CDH8: variants seen among roughly 807,000 people sequenced by gnomAD.
The protein encoded by CDH8 is cadherin-8.
A neutral mutation model predicts 68.1 loss-of-function variants in CDH8; 17 were observed. The observed-to-expected ratio is 0.25, with a 90% CI of 0.17 to 0.37. CDH8 has a LOEUF of 0.37. Among genes scored for constraint, CDH8 ranks in the 10% least tolerant of loss-of-function variants. The pLI is 1.00. For synonymous variants in CDH8, 372 were observed against 365.1 expected, an observed-to-expected ratio of 1.02 and a Z score of -0.21; for missense variants, 763 against 999.3, an observed-to-expected ratio of 0.76 and a Z score of 3.19.
At chr16:61,729,268 A>T (rs1345403298) in intron 8 of CDH8, among the ~76,000 whole-genome samples, 3 of 151,104 alleles carry the variant, frequency 2.0e-5, no homozygotes, top group Non-Finnish European at 4.5e-5. Context: ...GTCCAAAAAA[A>T]TACATATACA....
At chr16:61,903,264 G>A (rs1964008407) in intron 2 of CDH8, among the ~76,000 whole-genome samples, 1 of 152,136 alleles carries the variant, frequency 6.6e-6, no homozygotes, top group Admixed American at 6.5e-5. Flanking sequence ...GCTCCCTTCT[G>A]TTAAAATTAA....
At chr16:61,679,578 A>T (rs1346925419) in intron 10 of CDH8, among the ~76,000 whole-genome samples, 1 of 152,058 alleles carries the variant, frequency 6.6e-6, no homozygotes, top group East Asian at 1.9e-4. Context: ...CAAAATAACT[A>T]AGAGAGAGGA....
intron 2 of CDH8, among the ~76,000 whole-genome samples, chr16:62,005,252 G>A (rs751320543): frequency 2.6e-5 from 4 of 152,162 alleles, no homozygotes; most frequent in Non-Finnish European, 5.9e-5. Flanking sequence ...CCTATAGGAA[G>A]ACAGCTGCAA....
chr16:61,818,390 T>G (rs1962129462), intron 6 of CDH8, among the ~76,000 whole-genome samples: 1 of 152,156 alleles, frequency 6.6e-6, no homozygotes, highest in Admixed American at 6.6e-5. Flanking sequence ...TAAAGAAATA[T>G]GTGCACCGAT....
At chr16:61,863,165 CT>C (rs1053652155) in intron 3 of CDH8, among the ~76,000 whole-genome samples, 7 of 151,792 alleles carry the variant, frequency 4.6e-5, no homozygotes, top group South Asian at 2.1e-4. Flanking sequence ...ATTAAACAAA[CT>C]TTTTTTTTCT....
At chr16:61,707,575 T>C (rs1205009013) in intron 10 of CDH8, among the ~76,000 whole-genome samples, 1 of 152,152 alleles carries the variant, frequency 6.6e-6, no homozygotes, top group Non-Finnish European at 1.5e-5. Flanking sequence ...GCCTTCTCTA[T>C]CTACTTCTTC....
At chr16:61,990,346 ACT>A (rs1054449023) in intron 2 of CDH8, among the ~76,000 whole-genome samples, 2 of 115,172 alleles carry the variant, frequency 1.7e-5, no homozygotes, top group Non-Finnish European at 3.3e-5. Context: ...ACTAAGTCTC[ACT>A]CTGTCACCCA....
intron 10 of CDH8, among the ~76,000 whole-genome samples, chr16:61,658,071 T>G (rs1001303543): frequency 6.6e-6 from 1 of 152,102 alleles, no homozygotes; most frequent in African/African-American, 2.4e-5. Flanking sequence ...CTTTTTTACC[T>G]ACTCATCTAT....
At chr16:61,655,748 T>C (rs1203099446) in intron 10 of CDH8, 27 bp from the exon 11 acceptor site, 2 of 1,602,948 alleles carry the variant, frequency 1.2e-6, no homozygotes, top group Non-Finnish European at 1.7e-6. Flanking sequence ...TTACAATAAT[T>C]TGCATCATTT....
intron 3 of CDH8, among the ~76,000 whole-genome samples, chr16:61,885,900 A>T (rs1388226700): frequency 6.6e-6 from 1 of 152,192 alleles, no homozygotes; most frequent in East Asian, 1.9e-4. Flanking sequence ...GTTATCTTAC[A>T]TCCATTAATA....
At chr16:61,715,029 A>C (rs1259639834) in intron 9 of CDH8, among the ~76,000 whole-genome samples, 1 of 151,640 alleles carries the variant, frequency 6.6e-6, no homozygotes, top group Non-Finnish European at 1.5e-5. Flanking sequence ...AACTTTTAGC[A>C]GCTATGGGGC....
chr16:61,924,161 C>CT (rs1234221534), intron 2 of CDH8, among the ~76,000 whole-genome samples: 1 of 152,100 alleles, frequency 6.6e-6, no homozygotes, highest in East Asian at 1.9e-4. Context: ...TCCTGATACT[C>CT]TAAGTGGGAT....
intron 10 of CDH8, among the ~76,000 whole-genome samples, chr16:61,694,104 C>T (rs1964282617): frequency 6.6e-6 from 1 of 152,126 alleles, no homozygotes; most frequent in Admixed American, 6.5e-5. Context: ...AGTGAGGAAT[C>T]CTATTTTGAT....
At chr16:61,846,017 T>C (rs1378022595) in intron 4 of CDH8, among the ~76,000 whole-genome samples, 3 of 152,090 alleles carry the variant, frequency 2.0e-5, no homozygotes, top group Admixed American at 1.3e-4. Flanking sequence ...AAATTAGAGT[T>C]TTGCTCCAAG....
chr16:61,982,893 A>G (rs1304516450), intron 2 of CDH8, among the ~76,000 whole-genome samples: 1 of 152,226 alleles, frequency 6.6e-6, no homozygotes, highest in African/African-American at 2.4e-5. Context: ...TTGGTAAGGC[A>G]TATTTTTATA....
At chr16:62,022,271 T>A (rs1247307818) in intron 1 of CDH8, among the ~76,000 whole-genome samples, 1 of 152,134 alleles carries the variant, frequency 6.6e-6, no homozygotes, top group Non-Finnish European at 1.5e-5. Flanking sequence ...ATGCTAATAA[T>A]GAGTGAATAA....
chr16:61,879,827 G>A (rs937227433), intron 3 of CDH8, among the ~76,000 whole-genome samples: 4 of 152,134 alleles, frequency 2.6e-5, no homozygotes, highest in Non-Finnish European at 5.9e-5. Flanking sequence ...GAGACCTTAT[G>A]GGAGAGTAGA....
At chr16:61,878,751 G>A (rs1567511383) in intron 3 of CDH8, among the ~76,000 whole-genome samples, 1 of 152,018 alleles carries the variant, frequency 6.6e-6, no homozygotes, top group East Asian at 1.9e-4. Flanking sequence ...TTTGCTGCAG[G>A]CACATTAGTT....
At chr16:61,990,296 G>T (rs1170043377) in intron 2 of CDH8, among the ~76,000 whole-genome samples, 2 of 137,918 alleles carry the variant, frequency 1.5e-5, no homozygotes, top group African/African-American at 2.6e-5. Context: ...TAAGATTCTT[G>T]AAGAAGTCCT....
Sources: gnomAD v4.1 joint callset for allele counts (sites outside exome capture counted in the v4.1 genomes callset) on GRCh38, gnomAD v4.1.1 for gene constraint, MANE v1.5 for transcripts, NCBI Gene and HGNC (gene_info 2026-07-23, HGNC 2026-07-21) for gene names.